Variants in SEC14L1 observed in about 807,000 individuals in gnomAD.
SEC14L1 encodes the protein SEC14-like protein 1.
In SEC14L1, 48 loss-of-function variants were observed where a neutral mutation model predicts 85.3. The ratio of observed to expected loss-of-function variants is 0.56; its 90% CI spans 0.45 to 0.72. The LOEUF is 0.72. Among genes scored for constraint, SEC14L1 ranks in the 30% least tolerant of loss-of-function variants. The pLI, the probability that SEC14L1 is intolerant of heterozygous loss-of-function variation, is 0.00. For missense variants in SEC14L1, 682 were observed against 921.4 expected, an observed-to-expected ratio of 0.74 and a Z score of 3.36; for synonymous variants, 391 against 355.5, an observed-to-expected ratio of 1.10 and a Z score of -1.12.
chr17:77,166,816 G>C (rs2143662451), intron 3 of SEC14L1, among the ~76,000 whole-genome samples: 1 of 152,260 alleles, frequency 6.6e-6, no homozygotes. Context: ...TCCAGCCTGG[G>C]TGACAGAGCA....
intron 8 of SEC14L1, among the ~76,000 whole-genome samples, chr17:77,196,856 T>G (rs112392345): frequency 1.3e-5 from 2 of 152,234 alleles, no homozygotes; most frequent in Non-Finnish European, 2.9e-5. Flanking sequence ...TGAGTGCTGT[T>G]GAATACCAGT....
rs1010811009 is a variant in SEC14L1, at chr17:77,214,372, C to G, written c.*349C>G. The stretch of plus-strand genomic sequence containing the variant: ...ATTTTTCCAACGAACTCCGCATTGT[C>G]CATTAGTGAATGAATTCCTGTGACA... On this transcript the variant is annotated 3_prime_UTR_variant, in exon 17 of 17. Coordinates refer to ENST00000436233, the MANE Select transcript of SEC14L1 (RefSeq NM_001143998.2). 6.4e-5 allele frequency: 66 copies of G among 1,026,412 alleles called. No individual in the cohort carries two copies. In the African/African-American group the frequency reaches 1.1e-3, roughly 17 times the overall value. 63.6% of individuals were successfully genotyped at this position (1,026,412 alleles called of 1,614,324 possible). A position where few individuals can be genotyped will look rare whatever the true frequency, so the allele number is the denominator to read the frequency against.
At chr17:77,094,829 G>A (rs192265804) in intron 3 of SEC14L1, 5 of 152,262 alleles carry the variant, frequency 3.3e-5, no homozygotes, top group African/African-American at 1.2e-4. Context: ...TGTATACCCT[G>A]TGATAAACAG....
At chr17:77,191,054 A>G (rs1455927756) in intron 4 of SEC14L1, 102 bp downstream of exon 4, 3 of 1,538,788 alleles carry the variant, frequency 1.9e-6, no homozygotes, top group Non-Finnish European at 2.7e-6. Flanking sequence ...TCCTGGAGGG[A>G]GAGGGCGTCC....
rs770077614 is a variant in SEC14L1 at position 77,194,772 on chromosome 17, A to G, written c.570A>G (p.Ser190=). 2 of 1,614,056 alleles carry G rather than the reference A, an allele frequency of 1.2e-6. No individual in the cohort carries two copies. Among genetic ancestry groups the G allele is most frequent in the Non-Finnish European group, 1.7e-6 (2 of 1,180,034 alleles). Residue 190 remains serine (S), a synonymous_variant, in exon 7 of 17, where the codon TCA becomes TCG. Coordinates refer to ENST00000436233, the MANE Select transcript of SEC14L1 (RefSeq NM_001143998.2). ...GTCCGCCTTCCATCACGACCTCTTC[A>G]GAGACATCTTCATCATCCTCCAAGA... ...RWSPPSITTS[S]ETSSSSSKKQ...
In SEC14L1 at chr17:77,215,469, A is replaced by G. The variant is rs570981856; in HGVS notation, c.*1446A>G. 133 of 985,626 alleles carry G rather than the reference A, an allele frequency of 1.3e-4. 1 individual carries two copies. The Admixed American group carries it at 6.3e-3, about 47-fold the overall frequency. The allele number at this position is 985,626 out of a possible 1,614,324, so 61.1% of individuals were successfully genotyped here. ...GCCGTCTCAGCTCCGCTCTGAAGGC[A>G]CTGTGTGGGTGCTGCGTGACTGGAG... On this transcript the variant is annotated 3_prime_UTR_variant, in exon 17 of 17. Coordinates refer to ENST00000436233, the MANE Select transcript of SEC14L1 (RefSeq NM_001143998.2).
rs1976853700 is a variant in SEC14L1 at position 77,213,172 on chromosome 17, TAGC to T, written c.1864-139_1864-137del. 5.7e-6 allele frequency: 4 copies of T among 707,052 alleles called. No individual in the cohort carries two copies. In the South Asian group the frequency reaches 5.7e-5, roughly 10 times the overall value. The allele number at this position is 707,052 out of a possible 1,614,324, so 43.8% of individuals were successfully genotyped here. Reference sequence around the variant, plus strand: ...TGTCAAACCTGCTGCTGAAGCAAAATAGCAGGTTCTGAATCCCATTGAGATAGT... The same window carrying T: ...TGTCAAACCTGCTGCTGAAGCAAAATAGGTTCTGAATCCCATTGAGATAGT... On this transcript the variant is annotated intron_variant, in intron 15 of 16. Transcript: ENST00000436233. The surrounding 1 kb of genome is among the most constrained non-coding windows in gnomAD (Gnocchi z 7.1).
At chr17:77,089,632 G>C (rs1025847327) in intron 2 of SEC14L1, 2 of 390,732 alleles carry the variant, frequency 5.1e-6, no homozygotes, top group African/African-American at 2.1e-5. Flanking sequence ...TAAATGTTAC[G>C]GATACAGAGA....
In SEC14L1 at chr17:77,213,682, T is replaced by C; in HGVS notation, c.2042+190T>C. ...CCTGCCTGTCTGCAGAGGGAGAGTG[T>C]CGGAGACAGAGCCGACTGACTGCCT... On this transcript the variant is annotated intron_variant, in intron 16 of 16. Transcript: ENST00000436233. The surrounding 1 kb of genome is among the most constrained non-coding windows in gnomAD (Gnocchi z 7.1). 1 of 862,306 alleles carries C rather than the reference T, an allele frequency of 1.2e-6. No individual in the cohort carries two copies. Among genetic ancestry groups the C allele is most frequent in the Non-Finnish European group, 1.9e-6 (1 of 531,502 alleles). The allele number at this position is 862,306 out of a possible 1,614,324, so 53.4% of individuals were successfully genotyped here.
intron 3 of SEC14L1, among the ~76,000 whole-genome samples, chr17:77,178,613 C>T (rs79803913): frequency 0.071 from 10,819 of 152,170 alleles, 473 homozygotes; most frequent in East Asian, 0.27. Context: ...GGGATGGTTT[C>T]GGGACGAAAC....
intron 7 of SEC14L1, among the ~76,000 whole-genome samples, chr17:77,195,228 T>C (rs1975745822): frequency 6.6e-6 from 1 of 152,136 alleles, no homozygotes; most frequent in Non-Finnish European, 1.5e-5. Flanking sequence ...ACTCCTGGGC[T>C]CAAGCAATCC....
chr17:77,131,051 A>G (rs1202672812), intron 3 of SEC14L1, among the ~76,000 whole-genome samples: 1 of 152,228 alleles, frequency 6.6e-6, no homozygotes, highest in Admixed American at 6.5e-5. Context: ...GTTCAACAGA[A>G]GACACAGATC....
intron 3 of SEC14L1, among the ~76,000 whole-genome samples, chr17:77,169,159 C>T (rs1974423401): frequency 6.6e-6 from 1 of 151,970 alleles, no homozygotes. Flanking sequence ...TACCACCATA[C>T]ATTTGCTTGA....
intron 3 of SEC14L1, among the ~76,000 whole-genome samples, chr17:77,117,501 T>C (rs1972201079): frequency 6.6e-6 from 1 of 152,198 alleles, no homozygotes; most frequent in Non-Finnish European, 1.5e-5. Flanking sequence ...GCCAAATGAA[T>C]GTTTGACAGC....
At chr17:77,147,126 G>C (rs1973349370) in intron 3 of SEC14L1, among the ~76,000 whole-genome samples, 1 of 152,258 alleles carries the variant, frequency 6.6e-6, no homozygotes, top group South Asian at 2.1e-4. Flanking sequence ...ACGCAGTCAC[G>C]GGAGGTGGGT....
chr17:77,126,893 C>A (rs12601575), intron 3 of SEC14L1, among the ~76,000 whole-genome samples: 1 of 152,046 alleles, frequency 6.6e-6, no homozygotes, highest in East Asian at 1.9e-4. Context: ...CTGGGCTTGA[C>A]GAGGCTGATA....
chr17:77,207,600 C>T (rs1194704289), intron 13 of SEC14L1, among the ~76,000 whole-genome samples: 1 of 152,000 alleles, frequency 6.6e-6, no homozygotes, highest in Non-Finnish European at 1.5e-5. Context: ...TACAGGCATG[C>T]GCCACTACCC....
intron 3 of SEC14L1, among the ~76,000 whole-genome samples, chr17:77,101,488 G>A (rs996148797): frequency 6.6e-6 from 1 of 152,058 alleles, no homozygotes; most frequent in Non-Finnish European, 1.5e-5. Flanking sequence ...CCTCTTTTTT[G>A]ACCAGACATA....
chr17:77,151,179 A>T (rs1973539653), intron 3 of SEC14L1, among the ~76,000 whole-genome samples: 1 of 152,194 alleles, frequency 6.6e-6, no homozygotes, highest in Admixed American at 6.5e-5. Flanking sequence ...AACTTTGTTC[A>T]AGTCTGGAAG....
Sources: allele counts gnomAD v4.1 joint callset (sites outside exome capture counted in the v4.1 genomes callset), GRCh38; gene constraint gnomAD v4.1.1; non-coding constraint Gnocchi (gnomAD v3.1); transcripts MANE v1.5; gene names NCBI Gene and HGNC (gene_info 2026-07-23, HGNC 2026-07-21).